The following MGLL variants were observed in gnomAD, a reference collection of about 807,000 sequenced individuals.
The protein encoded by MGLL is lysophospholipase homolog.
A neutral mutation model predicts 29.1 loss-of-function variants in MGLL; 7 were observed. That is an observed-to-expected ratio of 0.24 (90% CI 0.14 to 0.45). The LOEUF is 0.45. Ranked by LOEUF, MGLL falls within the 20% of genes least tolerant of loss-of-function variation. The probability of loss-of-function intolerance (pLI) is 0.99; values close to 1 mark genes in which losing one functional copy is unlikely to be tolerated. For missense variants in MGLL, 356 were observed against 413.6 expected, an observed-to-expected ratio of 0.86 and a Z score of 1.21; for synonymous variants, 148 against 168.3, an observed-to-expected ratio of 0.88 and a Z score of 0.93.
intron 2 of MGLL, among the ~76,000 whole-genome samples, chr3:127,811,944 G>A (rs28753886): frequency 0.12 from 19,006 of 152,246 alleles, 1,554 homozygotes; most frequent in Middle Eastern, 0.21. Context: ...CACTAATTGC[G>A]AACCCACAGA....
chr3:127,734,889 G>A (rs1327365648), intron 3 of MGLL, among the ~76,000 whole-genome samples: 2 of 152,146 alleles, frequency 1.3e-5, no homozygotes, highest in African/African-American at 4.8e-5. Context: ...TTACAATTTG[G>A]GTGTCTGCCC....
At chr3:127,721,316 A>G in intron 4 of MGLL, 153 bp from the exon 5 acceptor site, 1 of 647,448 alleles carries the variant, frequency 1.5e-6, no homozygotes, top group Non-Finnish European at 2.8e-6. Flanking sequence ...AATGTTGGCT[A>G]AACTAGATCT....
At chr3:127,804,418 A>C (rs1485823494) in intron 2 of MGLL, among the ~76,000 whole-genome samples, 1 of 152,202 alleles carries the variant, frequency 6.6e-6, no homozygotes, top group Non-Finnish European at 1.5e-5. Context: ...CCCATCCCAC[A>C]GTGACTCCCT....
intron 3 of MGLL, among the ~76,000 whole-genome samples, chr3:127,748,599 C>G (rs2076498326): frequency 5.3e-5 from 8 of 151,740 alleles, no homozygotes; most frequent in Admixed American, 5.3e-4. Context: ...CCCAAATGTA[C>G]ACACTAGATG....
At chr3:127,820,873 T>G (rs541553772) in intron 2 of MGLL, among the ~76,000 whole-genome samples, 3 of 152,186 alleles carry the variant, frequency 2.0e-5, no homozygotes, top group Non-Finnish European at 4.4e-5. Flanking sequence ...ATAGATACCT[T>G]GATGAAGACA....
intron 2 of MGLL, among the ~76,000 whole-genome samples, chr3:127,794,513 T>C (rs2077351963): frequency 6.6e-6 from 1 of 152,202 alleles, no homozygotes; most frequent in African/African-American, 2.4e-5. Flanking sequence ...TGTAAGGCTG[T>C]CTTCTATGAT....
chr3:127,806,370 C>T (rs559447140), intron 2 of MGLL, among the ~76,000 whole-genome samples: 15 of 152,214 alleles, frequency 9.9e-5, no homozygotes, highest in African/African-American at 3.1e-4. Flanking sequence ...ATGACACTGA[C>T]GGATGTATGG....
At chr3:127,754,253 T>C (rs1271454663) in intron 3 of MGLL, among the ~76,000 whole-genome samples, 1 of 152,126 alleles carries the variant, frequency 6.6e-6, no homozygotes, top group South Asian at 2.1e-4. Flanking sequence ...TCACTCCCAG[T>C]TCCCCTGAAA....
At chr3:127,736,489 T>C (rs1246924208) in intron 3 of MGLL, 1 of 347,386 alleles carries the variant, frequency 2.9e-6, no homozygotes, top group African/African-American at 2.2e-5. Context: ...GCTTCATGCA[T>C]CCCTGCCCAG....
intron 2 of MGLL, among the ~76,000 whole-genome samples, chr3:127,792,887 T>C (rs1286064894): frequency 1.3e-5 from 2 of 152,190 alleles, no homozygotes; most frequent in African/African-American, 2.4e-5. Context: ...ACAGCCTCTT[T>C]ACACACATGG....
intron 2 of MGLL, among the ~76,000 whole-genome samples, chr3:127,811,737 C>G (rs2077666429): frequency 6.6e-6 from 1 of 152,242 alleles, no homozygotes; most frequent in Non-Finnish European, 1.5e-5. Flanking sequence ...CCAGGCCAGT[C>G]TGAGAAAGCA....
rs1420829717 is a variant in MGLL, at chr3:127,735,788, T to C, written c.263-13222A>G. Reference sequence around the variant, plus strand: ...TTTGTATGGTTTCAGAGGAGAAAAATGTATAAATTCTGGCATTCTCTTGGT... The same window carrying C: ...TTTGTATGGTTTCAGAGGAGAAAAACGTATAAATTCTGGCATTCTCTTGGT... On this transcript the variant is annotated intron_variant, in intron 3 of 7. Coordinates refer to ENST00000265052, the MANE Select transcript of MGLL (RefSeq NM_007283.7). 8.1e-6 allele frequency: 13 copies of C among 1,598,254 alleles called. No individual in the cohort carries two copies. The South Asian group carries it at 1.3e-4, about 16-fold the overall frequency.
chr3:127,718,751 C>T (rs893874130), intron 5 of MGLL, among the ~76,000 whole-genome samples: 2 of 152,276 alleles, frequency 1.3e-5, no homozygotes, highest in African/African-American at 4.8e-5. Flanking sequence ...GGGTTGCTGC[C>T]CACGCCAACC....
chr3:127,756,168 G>T (rs188601695), intron 3 of MGLL, among the ~76,000 whole-genome samples: 68 of 152,298 alleles, frequency 4.5e-4, no homozygotes, highest in African/African-American at 1.6e-3. Flanking sequence ...TCTAAGGGTT[G>T]GGGAGCAGAT....
At chr3:127,747,810 C>A (rs562641793) in intron 3 of MGLL, among the ~76,000 whole-genome samples, 20 of 152,300 alleles carry the variant, frequency 1.3e-4, no homozygotes, top group African/African-American at 2.2e-4. Context: ...GTGATTGGAG[C>A]GGGCTTCTCC....
At chr3:127,724,122 G>A (rs1351608180) in intron 3 of MGLL, among the ~76,000 whole-genome samples, 1 of 152,184 alleles carries the variant, frequency 6.6e-6, no homozygotes, top group Non-Finnish European at 1.5e-5. Flanking sequence ...GACAATAAAT[G>A]TCTGTTGTCG....
intron 6 of MGLL, among the ~76,000 whole-genome samples, chr3:127,704,608 G>C (rs2075562832): frequency 6.6e-6 from 1 of 152,132 alleles, no homozygotes; most frequent in Non-Finnish European, 1.5e-5. Flanking sequence ...TTCAAAAGAA[G>C]ACATTTATGT....
At chr3:127,728,272 AT>A (rs1412554821) in intron 3 of MGLL, among the ~76,000 whole-genome samples, 2 of 152,028 alleles carry the variant, frequency 1.3e-5, no homozygotes, top group Non-Finnish European at 2.9e-5. Context: ...CCCTCTAAGC[AT>A]TTCTTTTTGC....
At chr3:127,770,582 G>A (rs886637183) in intron 3 of MGLL, among the ~76,000 whole-genome samples, 3 of 152,122 alleles carry the variant, frequency 2.0e-5, no homozygotes, top group Admixed American at 6.5e-5. Context: ...TGCCCAAGCC[G>A]TGGCATGGGT....
Sources: allele counts gnomAD v4.1 joint callset (sites outside exome capture counted in the v4.1 genomes callset), GRCh38; gene constraint gnomAD v4.1.1; transcripts MANE v1.5; gene names NCBI Gene and HGNC (gene_info 2026-07-23, HGNC 2026-07-21).